PTPRD: variants seen among roughly 807,000 people sequenced by gnomAD.
PTPRD encodes the protein protein tyrosine phosphatase receptor type D.
A neutral mutation model predicts 214.5 loss-of-function variants in PTPRD; 34 were observed. That is an observed-to-expected ratio of 0.16 (90% CI 0.12 to 0.21). The LOEUF is 0.21. PTPRD is among the 10% of genes least tolerant of loss of function. The probability of loss-of-function intolerance (pLI) is 1.00; values close to 1 mark genes in which losing one functional copy is unlikely to be tolerated. For synonymous variants in PTPRD, 1,128 were observed against 845.7 expected (o/e 1.33, Z -5.79); for missense variants, 2,545 against 2,398.7 (o/e 1.06, Z -1.27).
intron 39 of PTPRD, among the ~76,000 whole-genome samples, chr9:8,349,788 C>G (rs768770816): frequency 9.2e-5 from 14 of 152,154 alleles, no homozygotes; most frequent in Non-Finnish European, 1.5e-4. Flanking sequence ...TGGAGTCTAG[C>G]ATTATGTTGG....
chr9:10,051,169 C>A (rs998710581), intron 3 of PTPRD, among the ~76,000 whole-genome samples: 1 of 152,044 alleles, frequency 6.6e-6, no homozygotes, highest in Non-Finnish European at 1.5e-5. Context: ...TATTTTTAAG[C>A]AAAGGGCTCA....
At chr9:8,708,669 G>T (rs1308325980) in intron 12 of PTPRD, among the ~76,000 whole-genome samples, 2 of 104,316 alleles carry the variant, frequency 1.9e-5, no homozygotes, top group East Asian at 6.3e-4. Flanking sequence ...ACAAGAGCGA[G>T]ACTCTGTCTC....
chr9:10,574,503 A>C (rs2068522473), intron 2 of PTPRD, among the ~76,000 whole-genome samples: 1 of 151,796 alleles, frequency 6.6e-6, no homozygotes. Flanking sequence ...TTATCAGTAA[A>C]AGGAAGATAC....
At chr9:8,767,488 G>A (rs909946723) in intron 11 of PTPRD, among the ~76,000 whole-genome samples, 2 of 152,100 alleles carry the variant, frequency 1.3e-5, no homozygotes, top group African/African-American at 4.8e-5. Flanking sequence ...GGAACTCAAA[G>A]ACACATGTAC....
intron 3 of PTPRD, among the ~76,000 whole-genome samples, chr9:10,251,345 G>A (rs1398453667): frequency 5.3e-5 from 8 of 151,332 alleles, no homozygotes; most frequent in Non-Finnish European, 7.4e-5. Flanking sequence ...GTAAATCAAG[G>A]TCATATGGCT....
intron 8 of PTPRD, among the ~76,000 whole-genome samples, chr9:9,478,263 C>T (rs1555457062): frequency 6.6e-6 from 1 of 152,148 alleles, no homozygotes; most frequent in Non-Finnish European, 1.5e-5. Context: ...TCAAACAAGG[C>T]ACCAATGACT....
intron 4 of PTPRD, among the ~76,000 whole-genome samples, chr9:10,024,408 A>G (rs1250545080): frequency 6.6e-6 from 1 of 152,152 alleles, no homozygotes; most frequent in Non-Finnish European, 1.5e-5. Context: ...ACCCCTTATT[A>G]TATAAGTCTT....
intron 2 of PTPRD, among the ~76,000 whole-genome samples, chr9:10,392,842 G>A (rs529953288): frequency 6.6e-6 from 1 of 151,886 alleles, no homozygotes; most frequent in South Asian, 2.1e-4. Context: ...TGGAAGTACA[G>A]ACATTTGCTG....
chr9:9,711,512 G>T (rs562801973), intron 7 of PTPRD, among the ~76,000 whole-genome samples: 1 of 152,200 alleles, frequency 6.6e-6, no homozygotes, highest in African/African-American at 2.4e-5. Flanking sequence ...ATTATAATTA[G>T]ACTACTTAAT....
intron 9 of PTPRD, among the ~76,000 whole-genome samples, chr9:9,322,283 T>A (rs1164656657): frequency 6.6e-6 from 1 of 152,208 alleles, no homozygotes; most frequent in African/African-American, 2.4e-5. Context: ...TAAAAGCTAC[T>A]GATTACTGGG....
chr9:10,140,686 C>T (rs1335356137), intron 3 of PTPRD, among the ~76,000 whole-genome samples: 1 of 152,048 alleles, frequency 6.6e-6, no homozygotes, highest in African/African-American at 2.4e-5. Flanking sequence ...GGAACTGGTA[C>T]CATTCCTTCT....
At chr9:9,295,396 G>A (rs1952654995) in intron 9 of PTPRD, among the ~76,000 whole-genome samples, 1 of 151,588 alleles carries the variant, frequency 6.6e-6, no homozygotes, top group Non-Finnish European at 1.5e-5. Flanking sequence ...GTAACTGACA[G>A]TTCTGTCACA....
intron 10 of PTPRD, among the ~76,000 whole-genome samples, chr9:9,150,538 G>A (rs1475239125): frequency 6.7e-6 from 1 of 150,096 alleles, no homozygotes; most frequent in Non-Finnish European, 1.5e-5. Flanking sequence ...CACCCAGACT[G>A]GAGTGCAATG....
At chr9:8,582,105 A>G (rs1467797581) in intron 14 of PTPRD, among the ~76,000 whole-genome samples, 1 of 152,112 alleles carries the variant, frequency 6.6e-6, no homozygotes, top group Non-Finnish European at 1.5e-5. Context: ...GGTAATGACA[A>G]ATCAGAAAAA....
Position 9,028,443 on chromosome 9 carries a change from T to C in PTPRD, c.-142-9708A>G, listed in dbSNP as rs12337464. On this transcript the variant is annotated intron_variant, in intron 10 of 45. Transcript: ENST00000381196. ...CATTTATCCTTCTAAAACAGGAATG[T>C]ATTACATTTTGGAAAATAAATCTTT... Among the ~76,000 whole-genome samples, 906 of 152,154 alleles carry C rather than the reference T, an allele frequency of 6.0e-3. 10 individuals are homozygous for C. The highest frequency in any genetic ancestry group is 0.021 in the African/African-American group (874 of 41,562).
intron 8 of PTPRD, among the ~76,000 whole-genome samples, chr9:9,474,690 TG>T (rs2094892221): frequency 6.6e-6 from 1 of 151,920 alleles, no homozygotes; most frequent in African/African-American, 2.4e-5. Flanking sequence ...GGGTTTTTTT[TG>T]TAGCTATTAT....
chr9:9,382,744 A>G (rs1424932002), intron 9 of PTPRD, among the ~76,000 whole-genome samples: 1 of 152,084 alleles, frequency 6.6e-6, no homozygotes, highest in Non-Finnish European at 1.5e-5. Context: ...AACATTATGC[A>G]GTTTCCTTAA....
intron 10 of PTPRD, among the ~76,000 whole-genome samples, chr9:9,133,167 T>C (rs2099845447): frequency 6.6e-6 from 1 of 152,166 alleles, no homozygotes; most frequent in Non-Finnish European, 1.5e-5. Flanking sequence ...GCATGTTAAG[T>C]ACAGATTCCA....
chr9:8,553,881 A>G (rs1396280218), intron 14 of PTPRD, among the ~76,000 whole-genome samples: 1 of 152,148 alleles, frequency 6.6e-6, no homozygotes, highest in African/African-American at 2.4e-5. Context: ...CTCTTACGAA[A>G]TTCAGAGAGA....
Sources: allele counts gnomAD v4.1 joint callset (sites outside exome capture counted in the v4.1 genomes callset), GRCh38; gene constraint gnomAD v4.1.1; transcripts MANE v1.5; gene names NCBI Gene and HGNC (gene_info 2026-07-23, HGNC 2026-07-21).